Variants in NDST4 observed in about 807,000 individuals in gnomAD.
The protein encoded by NDST4 is N-deacetylase and N-sulfotransferase 4, also known as N-heparan sulfate sulfotransferase 4.
Under a neutral mutation model 100.8 loss-of-function variants are expected in NDST4, and 63 were observed. The observed-to-expected ratio is 0.62, with a 90% CI of 0.51 to 0.77. The LOEUF (loss-of-function observed/expected upper bound fraction) is 0.77, where lower values mean the gene tolerates loss of function less well. NDST4 is among the 30% of genes least tolerant of loss of function. The pLI is 0.00. For synonymous variants in NDST4, 377 were observed against 361.8 expected, an observed-to-expected ratio of 1.04 and a Z score of -0.48; for missense variants, 943 against 1,018.4, an observed-to-expected ratio of 0.93 and a Z score of 1.01.
At position 115,033,275 on chromosome 4, in the gene NDST4, C is replaced by T. The variant is rs35674542; in HGVS notation, c.978+42784G>A. Among the ~76,000 whole-genome samples, 535 of 149,942 alleles carry T rather than the reference C, an allele frequency of 3.6e-3. 2 individuals carry two copies. The highest frequency in any genetic ancestry group is 0.013 in the African/African-American group (518 of 40,992). Reference sequence around the variant, plus strand: ...CTCAAGCATTCAGCCTCCCGAGTAGCGAGGACTAAAGGCTAATTTTTGTAG... The same window carrying T: ...CTCAAGCATTCAGCCTCCCGAGTAGTGAGGACTAAAGGCTAATTTTTGTAG... On this transcript the variant is annotated intron_variant, in intron 2 of 13. Transcript: ENST00000264363.
chr4:115,060,606 A>G (rs1728798804), intron 2 of NDST4, among the ~76,000 whole-genome samples: 1 of 152,032 alleles, frequency 6.6e-6, no homozygotes, highest in South Asian at 2.1e-4. Context: ...GCAAGGAGTA[A>G]TAGGGAACTA....
chr4:115,057,735 GACAC>G (rs35061218), intron 2 of NDST4, among the ~76,000 whole-genome samples: 37,190 of 141,526 alleles, frequency 0.26, 6,366 homozygotes, highest in African/African-American at 0.49. Flanking sequence ...CACACACACA[GACAC>G]ACACACACAC....
intron 5 of NDST4, among the ~76,000 whole-genome samples, chr4:114,936,259 T>A (rs1043301518): frequency 2.0e-5 from 3 of 152,196 alleles, no homozygotes; most frequent in African/African-American, 4.8e-5. Flanking sequence ...TCTATGGCCA[T>A]CAATGCCACT....
At chr4:114,938,435 T>C (rs1185936410) in intron 4 of NDST4, among the ~76,000 whole-genome samples, 1 of 152,214 alleles carries the variant, frequency 6.6e-6, no homozygotes, top group Non-Finnish European at 1.5e-5. Context: ...GTACATAAAA[T>C]AGATCTGCAG....
chr4:114,833,152 C>T (rs1365136209), intron 12 of NDST4, among the ~76,000 whole-genome samples: 1 of 152,150 alleles, frequency 6.6e-6, no homozygotes. Context: ...GAACAGTATA[C>T]ATGATTATAT....
intron 2 of NDST4, among the ~76,000 whole-genome samples, chr4:115,042,365 T>C (rs968837222): frequency 5.3e-5 from 8 of 152,136 alleles, no homozygotes; most frequent in Admixed American, 1.3e-4. Context: ...TTTAGAAGGA[T>C]AAATTGTAGT....
At chr4:114,874,480 T>C (rs1017629059) in intron 6 of NDST4, among the ~76,000 whole-genome samples, 2 of 152,198 alleles carry the variant, frequency 1.3e-5, no homozygotes, top group Non-Finnish European at 2.9e-5. Context: ...TCCATATTGG[T>C]TGCAATCACT....
chr4:114,952,480 C>G (rs1578410082), intron 4 of NDST4, among the ~76,000 whole-genome samples: 1 of 151,978 alleles, frequency 6.6e-6, no homozygotes, highest in African/African-American at 2.4e-5. Context: ...TTTCATCTAC[C>G]TGCCAATACC....
At chr4:115,102,623 C>T (rs1163545996) in intron 1 of NDST4, among the ~76,000 whole-genome samples, 1 of 150,862 alleles carries the variant, frequency 6.6e-6, no homozygotes, top group Non-Finnish European at 1.5e-5. Context: ...ATGGAATTTG[C>T]CTGTATCAGA....
In NDST4 at chr4:115,077,003, G is replaced by T; in HGVS notation, c.34C>A (p.Arg12=). The change falls in exon 2 of 14, where the codon CGA becomes AGA. Residue 12 remains arginine, a synonymous_variant. Coordinates refer to ENST00000264363, the MANE Select transcript of NDST4 (RefSeq NM_022569.3). ...GTAGCTAAGAGAACAATCAATGTTCGAAAACTTCTCCGAAGTTTCACAATA... is the reference window on the plus strand; with the variant it reads ...GTAGCTAAGAGAACAATCAATGTTCTAAAACTTCTCCGAAGTTTCACAATA... The part of the protein sequence containing the change: ...NLIVKLRRSF[R]TLIVLLATFC... The T allele has an allele frequency of 6.2e-7, 1 of 1,604,734 alleles. No homozygotes were observed. Among genetic ancestry groups the T allele is most frequent in the Non-Finnish European group, 8.5e-7 (1 of 1,176,940 alleles).
At chr4:114,832,652 A>G (rs1052950711) in intron 12 of NDST4, among the ~76,000 whole-genome samples, 1 of 152,076 alleles carries the variant, frequency 6.6e-6, no homozygotes, top group African/African-American at 2.4e-5. Context: ...CAAGAGGTGC[A>G]GTCTTGTTTT....
intron 2 of NDST4, among the ~76,000 whole-genome samples, chr4:115,007,096 A>G (rs927608524): frequency 1.3e-5 from 2 of 152,174 alleles, no homozygotes; most frequent in African/African-American, 4.8e-5. Context: ...TCCATTTTAT[A>G]TCTCAGGAAA....
rs78636383 is a variant in NDST4 at position 114,871,632 on chromosome 4, G to A, written c.1537-682C>T. 0.014 allele frequency among the ~76,000 whole-genome samples: 2,192 copies of A among 152,040 alleles called. 105 individuals carry two copies. In the South Asian group the frequency reaches 0.17, roughly 12 times the overall value. On this transcript the variant is annotated intron_variant, in intron 6 of 13. Coordinates refer to ENST00000264363, the MANE Select transcript of NDST4 (RefSeq NM_022569.3). The stretch of plus-strand genomic sequence containing the variant: ...TATTACAAACATAATCTAATATTTA[G>A]TTCATTAGGCATTGCAGCAGGGATT...
At chr4:115,060,980 C>T (rs1728806848) in intron 2 of NDST4, among the ~76,000 whole-genome samples, 1 of 151,644 alleles carries the variant, frequency 6.6e-6, no homozygotes, top group African/African-American at 2.4e-5. Flanking sequence ...CAAGAAAAAA[C>T]AAAAAACCTC....
chr4:114,936,534 G>T (rs1725632482), intron 5 of NDST4, among the ~76,000 whole-genome samples: 1 of 152,154 alleles, frequency 6.6e-6, no homozygotes, highest in South Asian at 2.1e-4. Flanking sequence ...AGAACAGTTT[G>T]TAAACCAATG....
At chr4:115,056,072 C>T (rs193033027) in intron 2 of NDST4, among the ~76,000 whole-genome samples, 2 of 152,120 alleles carry the variant, frequency 1.3e-5, no homozygotes, top group East Asian at 3.9e-4. Flanking sequence ...CACTATTAGG[C>T]CAGGCGCAGT....
At chr4:114,978,304 A>G (rs1726683104) in intron 2 of NDST4, among the ~76,000 whole-genome samples, 1 of 152,006 alleles carries the variant, frequency 6.6e-6, no homozygotes. Context: ...ATGGTGGCTA[A>G]GCATTTGTTT....
chr4:114,891,561 T>A lies in NDST4; in HGVS notation c.1537-20611A>T, dbSNP rs186594866. Among the ~76,000 whole-genome samples the A allele has an allele frequency of 2.0e-5, 3 of 152,246 alleles. No individual in the cohort carries two copies. In the East Asian group the frequency reaches 5.8e-4, roughly 29 times the overall value. ...TACCCTACCATTTTTCTTGCCGTAA[T>A]TTCTTCCTTCTTTATTTGTATTTCC... On this transcript the variant is annotated intron_variant, in intron 6 of 13. Coordinates refer to ENST00000264363, the MANE Select transcript of NDST4 (RefSeq NM_022569.3).
At chr4:115,095,508 T>G (rs1270538456) in intron 1 of NDST4, among the ~76,000 whole-genome samples, 1 of 152,102 alleles carries the variant, frequency 6.6e-6, no homozygotes, top group Non-Finnish European at 1.5e-5. Context: ...GATGTCCTTT[T>G]TATTTCTCAT....
Sources: allele counts gnomAD v4.1 joint callset (sites outside exome capture counted in the v4.1 genomes callset), GRCh38; gene constraint gnomAD v4.1.1; transcripts MANE v1.5; gene names NCBI Gene and HGNC (gene_info 2026-07-23, HGNC 2026-07-21).